The following MTUS2 variants were observed in gnomAD, a reference collection of about 807,000 sequenced individuals.
MTUS2 encodes microtubule-associated tumor suppressor candidate 2.
Under a neutral mutation model 114.1 loss-of-function variants are expected in MTUS2, and 40 were observed. The ratio of observed to expected loss-of-function variants is 0.35; its 90% CI spans 0.27 to 0.46. MTUS2 has a LOEUF of 0.46. MTUS2 is among the 20% of genes least tolerant of loss of function. The probability of loss-of-function intolerance (pLI) is 1.00; values close to 1 mark genes in which losing one functional copy is unlikely to be tolerated. For synonymous variants in MTUS2, 688 were observed against 672.0 expected (o/e 1.02, Z -0.37); for missense variants, 1,679 against 1,705.4 (o/e 0.98, Z 0.27).
At chr13:29,315,091 G>A (rs1899931423) in intron 6 of MTUS2, among the ~76,000 whole-genome samples, 1 of 152,192 alleles carries the variant, frequency 6.6e-6, no homozygotes, top group Admixed American at 6.5e-5. Context: ...GATATCACAT[G>A]TTCTCACTTA....
At chr13:29,208,539 T>C (rs1278236771) in intron 5 of MTUS2, among the ~76,000 whole-genome samples, 3 of 152,074 alleles carry the variant, frequency 2.0e-5, no homozygotes, top group African/African-American at 7.2e-5. Context: ...CTGTCCTCTT[T>C]CAACTTTTTG....
intron 5 of MTUS2, among the ~76,000 whole-genome samples, chr13:29,195,246 T>TAATAA (rs530539629): frequency 3.6e-5 from 2 of 56,084 alleles, no homozygotes; most frequent in African/African-American, 1.3e-4. Flanking sequence ...AGTATAATAA[T>TAATAA]AATAAAATAA....
At chr13:29,257,587 G>T (rs540321641) in intron 5 of MTUS2, among the ~76,000 whole-genome samples, 18 of 152,218 alleles carry the variant, frequency 1.2e-4, no homozygotes, top group African/African-American at 4.3e-4. Context: ...AAAGGAGTTT[G>T]GATTTTATTT....
chr13:29,437,604 C>T (rs4264246), intron 8 of MTUS2, among the ~76,000 whole-genome samples: 49,258 of 151,922 alleles, frequency 0.32, 9,623 homozygotes, highest in Non-Finnish European at 0.44. Context: ...CTCTGAACCA[C>T]GTCAAAAATT....
intron 2 of MTUS2, among the ~76,000 whole-genome samples, chr13:28,964,379 A>T (rs986153261): frequency 6.6e-6 from 1 of 152,100 alleles, no homozygotes; most frequent in Non-Finnish European, 1.5e-5. Context: ...TTATTCTGTG[A>T]TTAAGAGAAA....
chr13:29,033,742 G>A (rs767567597), intron 3 of MTUS2, 143 bp from the exon 4 acceptor site: 19 of 913,892 alleles, frequency 2.1e-5, no homozygotes, highest in Non-Finnish European at 3.1e-5. Flanking sequence ...AGACACTGTG[G>A]CCCGGGGAAG....
At chr13:29,249,246 C>T (rs1264793728) in intron 5 of MTUS2, among the ~76,000 whole-genome samples, 1 of 152,150 alleles carries the variant, frequency 6.6e-6, no homozygotes, top group East Asian at 1.9e-4. Flanking sequence ...ACCTCAGCCT[C>T]CCAAAGTGCT....
intron 8 of MTUS2, among the ~76,000 whole-genome samples, chr13:29,399,323 A>G (rs1259392802): frequency 6.6e-6 from 1 of 152,060 alleles, no homozygotes; most frequent in Non-Finnish European, 1.5e-5. Flanking sequence ...GGTCTTTATT[A>G]CCTGTATCTT....
intron 2 of MTUS2, among the ~76,000 whole-genome samples, chr13:29,008,011 C>A (rs184157644): frequency 4.5e-4 from 68 of 152,252 alleles, no homozygotes; most frequent in Non-Finnish European, 7.9e-4. Flanking sequence ...CCATGATGAT[C>A]GGTTTCTTTT....
intron 2 of MTUS2, among the ~76,000 whole-genome samples, chr13:28,893,450 C>T (rs1879050547): frequency 1.3e-5 from 2 of 152,128 alleles, no homozygotes; most frequent in African/African-American, 2.4e-5. Flanking sequence ...TGATCTTTTC[C>T]TGAGTGCCGA....
chr13:29,113,012 G>C (rs1316363565), intron 5 of MTUS2, among the ~76,000 whole-genome samples: 2 of 152,184 alleles, frequency 1.3e-5, no homozygotes, highest in Non-Finnish European at 2.9e-5. Flanking sequence ...GCCCATGTGA[G>C]GTTGGAAAAC....
intron 2 of MTUS2, among the ~76,000 whole-genome samples, chr13:28,982,082 C>T (rs569862133): frequency 4.6e-5 from 7 of 152,282 alleles, no homozygotes; most frequent in African/African-American, 1.7e-4. Flanking sequence ...ATGTAAATGT[C>T]TGCTGCATCT....
At chr13:28,830,119 T>C (rs1041764188) in intron 1 of MTUS2, among the ~76,000 whole-genome samples, 3 of 152,198 alleles carry the variant, frequency 2.0e-5, no homozygotes, top group Non-Finnish European at 4.4e-5. Context: ...AAGTAGACTT[T>C]ACATAATTAG....
At chr13:29,224,591 G>T (rs557431722) in intron 5 of MTUS2, among the ~76,000 whole-genome samples, 1 of 151,980 alleles carries the variant, frequency 6.6e-6, no homozygotes, top group Admixed American at 6.5e-5. Context: ...TTTAAAATGG[G>T]TGTACCTTAA....
intron 9 of MTUS2, among the ~76,000 whole-genome samples, chr13:29,464,702 G>C (rs566570416): frequency 6.6e-6 from 1 of 152,122 alleles, no homozygotes; most frequent in Non-Finnish European, 1.5e-5. Context: ...CTGAATTAGC[G>C]TCTGCATTTT....
At chr13:29,187,079 A>G (rs1894255608) in intron 5 of MTUS2, among the ~76,000 whole-genome samples, 1 of 152,182 alleles carries the variant, frequency 6.6e-6, no homozygotes, top group Admixed American at 6.5e-5. Context: ...ATGAAAACAC[A>G]ACATACTAAA....
intron 6 of MTUS2, among the ~76,000 whole-genome samples, chr13:29,321,337 G>A (rs1272731901): frequency 6.6e-6 from 1 of 152,180 alleles, no homozygotes; most frequent in Non-Finnish European, 1.5e-5. Flanking sequence ...GACCACACTA[G>A]CATTTCTAGA....
At chr13:29,308,354 T>A (rs1030745273) in intron 6 of MTUS2, among the ~76,000 whole-genome samples, 2 of 152,184 alleles carry the variant, frequency 1.3e-5, no homozygotes, top group Non-Finnish European at 2.9e-5. Flanking sequence ...GCTAGCCATA[T>A]GCAGAAAAAC....
chr13:29,089,761 AT>A (rs1198559557), intron 4 of MTUS2, among the ~76,000 whole-genome samples: 1 of 152,178 alleles, frequency 6.6e-6, no homozygotes, highest in African/African-American at 2.4e-5. Context: ...GCATTATGAA[AT>A]TCCTGTAGTG....
Sources: gnomAD v4.1 joint callset for allele counts (sites outside exome capture counted in the v4.1 genomes callset) on GRCh38, gnomAD v4.1.1 for gene constraint, MANE v1.5 for transcripts, NCBI Gene and HGNC (gene_info 2026-07-23, HGNC 2026-07-21) for gene names.